Variants in MGRN1 observed in about 807,000 individuals in gnomAD.
MGRN1 encodes E3 ubiquitin-protein ligase MGRN1.
Under a neutral mutation model 69.2 loss-of-function variants are expected in MGRN1, and 29 were observed. The ratio of observed to expected loss-of-function variants is 0.42; its 90% CI spans 0.31 to 0.57. The LOEUF is 0.57. Ranked by LOEUF, MGRN1 falls within the 20% of genes least tolerant of loss-of-function variation. The pLI is 0.15. For synonymous variants in MGRN1, 470 were observed against 344.2 expected, an observed-to-expected ratio of 1.37 and a Z score of -4.04; for missense variants, 998 against 796.2, an observed-to-expected ratio of 1.25 and a Z score of -3.05.
chr16:4,673,722 G>C (rs2078992204), intron 10 of MGRN1, 65 bp downstream of exon 10: 4 of 1,576,038 alleles, frequency 2.5e-6, no homozygotes, highest in Non-Finnish European at 3.4e-6. Context: ...ACACCACGGT[G>C]GTCCTGGGAT....
At chr16:4,669,083 C>T (rs1364209607) in intron 8 of MGRN1, 1 of 152,352 alleles carries the variant, frequency 6.6e-6, no homozygotes, top group East Asian at 1.9e-4. Flanking sequence ...CACACACACT[C>T]TTCAGTAGTC....
At chr16:4,627,559 G>C (rs567017072) in intron 1 of MGRN1, among the ~76,000 whole-genome samples, 2 of 148,874 alleles carry the variant, frequency 1.3e-5, no homozygotes, top group African/African-American at 5.0e-5. Flanking sequence ...AGGCCAAGGC[G>C]GGCGGATCAC....
chr16:4,668,233 C>G, intron 7 of MGRN1, 32 bp from the exon 8 acceptor site: 1 of 1,606,330 alleles, frequency 6.2e-7, no homozygotes, highest in Middle Eastern at 1.7e-4. Flanking sequence ...CCAGCTTGAC[C>G]ACCTTAACCT....
chr16:4,639,296 A>C (rs556212429), intron 1 of MGRN1, among the ~76,000 whole-genome samples: 2 of 152,084 alleles, frequency 1.3e-5, no homozygotes, highest in East Asian at 1.9e-4. Flanking sequence ...AGCGTTGACC[A>C]CGAGCTGGCA....
At chr16:4,662,027 G>A (rs868831036) in intron 5 of MGRN1, among the ~76,000 whole-genome samples, 3 of 152,146 alleles carry the variant, frequency 2.0e-5, no homozygotes, top group Non-Finnish European at 2.9e-5. Flanking sequence ...AGCCTTTGCC[G>A]TGTGTCCATG....
chr16:4,629,932 G>C (rs966152813), intron 1 of MGRN1, among the ~76,000 whole-genome samples: 5 of 151,290 alleles, frequency 3.3e-5, no homozygotes, highest in African/African-American at 1.2e-4. Context: ...CGTAATCCCA[G>C]CTACTCAGGA....
intron 1 of MGRN1, among the ~76,000 whole-genome samples, chr16:4,641,216 A>G (rs1417728510): frequency 6.6e-6 from 1 of 152,228 alleles, no homozygotes; most frequent in East Asian, 1.9e-4. Flanking sequence ...CTTGAGGCAA[A>G]GGAAAGGGCG....
intron 1 of MGRN1, among the ~76,000 whole-genome samples, chr16:4,645,933 G>A: frequency 6.6e-6 from 1 of 152,328 alleles, no homozygotes; most frequent in Non-Finnish European, 1.5e-5. Flanking sequence ...CCAGTGCTGT[G>A]GTTGTAGAAA....
intron 1 of MGRN1, 79 bp from the exon 2 acceptor site, chr16:4,650,286 C>G (rs1178027645): frequency 1.4e-5 from 15 of 1,109,622 alleles, no homozygotes; most frequent in Non-Finnish European, 1.8e-5. Flanking sequence ...CTGGGTGGAG[C>G]GCCACTGCAC....
chr16:4,668,250 C>T lies in MGRN1; in HGVS notation c.679-15C>T, dbSNP rs2078849973. On this transcript the variant is annotated splice_polypyrimidine_tract_variant and intron_variant, in intron 7 of 16. Coordinates refer to ENST00000262370, the MANE Select transcript of MGRN1 (RefSeq NM_015246.4). The stretch of plus-strand genomic sequence containing the variant: ...AGCTTGACCACCTTAACCTCTTTGT[C>T]TTTCTCCCCTGCAGCACATGGACGG... 4 of 1,613,534 alleles carry T rather than the reference C, an allele frequency of 2.5e-6. No homozygotes were observed. Among genetic ancestry groups the T allele is most frequent in the Non-Finnish European group, 3.4e-6 (4 of 1,179,736 alleles).
intron 5 of MGRN1, among the ~76,000 whole-genome samples, chr16:4,661,506 C>T (rs554586290): frequency 2.0e-5 from 3 of 152,354 alleles, no homozygotes; most frequent in Non-Finnish European, 2.9e-5. Flanking sequence ...GCACGGCTTC[C>T]GTTCCATTTT....
At chr16:4,673,402 G>A (rs1011785699) in intron 9 of MGRN1, 96 bp from the exon 10 acceptor site, 4 of 1,487,570 alleles carry the variant, frequency 2.7e-6, no homozygotes, top group Non-Finnish European at 2.7e-6. Context: ...AGCCCCCAGG[G>A]TAGGGTGGAG....
intron 1 of MGRN1, 109 bp from the exon 2 acceptor site, chr16:4,650,256 T>TAGCGCCACTGCACTCCAGCCTGGGTGG (rs954520452): frequency 1.3e-5 from 10 of 780,648 alleles, no homozygotes; most frequent in African/African-American, 1.1e-4. Flanking sequence ...TGAGCTGAGA[T>TAGCGCCACTGCACTCCAGCCTGGGTGG]AGCGCCACTG....
intron 13 of MGRN1, among the ~76,000 whole-genome samples, chr16:4,682,232 C>T (rs528897876): frequency 3.3e-5 from 5 of 152,354 alleles, no homozygotes; most frequent in Admixed American, 6.5e-5. Context: ...TCGCCCGTGA[C>T]GAGCCACGGG....
At position 4,686,354 on chromosome 16, in the gene MGRN1, G is replaced by C. The variant is rs1375658625; in HGVS notation, c.1618+2422G>C. The C allele has an allele frequency of 1.4e-5, 21 of 1,535,528 alleles. No homozygotes were observed. The Middle Eastern group carries it at 6.7e-4, about 49-fold the overall frequency. ...GGGGGCTCTGACGCGCGTCCTTGGA[G>C]AGAGGAGCCCTCCCCTGCTCTCTGG... is the stretch of plus-strand genomic sequence containing the variant. On this transcript the variant is annotated intron_variant, in intron 16 of 16. Transcript: ENST00000262370.
intron 8 of MGRN1, chr16:4,671,183 C>G (rs1013102055): frequency 1.7e-6 from 1 of 587,928 alleles, no homozygotes; most frequent in African/African-American, 1.9e-5. Flanking sequence ...GGAGAGCCAC[C>G]GGCTCCAGCC....
intron 11 of MGRN1, 51 bp downstream of exon 11, chr16:4,677,623 C>G: frequency 6.4e-7 from 1 of 1,553,764 alleles, no homozygotes; most frequent in South Asian, 1.1e-5. Context: ...GCATGAGTGC[C>G]TGGGCCAGGC....
Position 4,624,911 on chromosome 16 carries a change from C to A in MGRN1, c.-50C>A. The A allele has an allele frequency of 6.8e-7, 1 of 1,463,930 alleles. No homozygotes were observed. Among genetic ancestry groups the A allele is most frequent in the Non-Finnish European group, 9.1e-7 (1 of 1,096,746 alleles). 90.7% of individuals were successfully genotyped at this position (1,463,930 alleles called of 1,614,324 possible). A position where few individuals can be genotyped will look rare whatever the true frequency, so the allele number is the denominator to read the frequency against. On this transcript the variant is annotated 5_prime_UTR_variant, in exon 1 of 17. Transcript: ENST00000262370. Reference sequence around the variant, plus strand: ...GTCCGCGTGAGGACCCCGCCGCTGTCGCCGCTCCCGTTCCGGCCCTGGCCC... The same window carrying A: ...GTCCGCGTGAGGACCCCGCCGCTGTAGCCGCTCCCGTTCCGGCCCTGGCCC...
At chr16:4,688,757 A>C in intron 16 of MGRN1, 39 bp from the exon 17 acceptor site, 1 of 1,515,430 alleles carries the variant, frequency 6.6e-7, no homozygotes, top group Non-Finnish European at 8.9e-7. Flanking sequence ...GGCACCAGGC[A>C]TCCGAGTGTG....
Sources: gnomAD v4.1 joint callset for allele counts (sites outside exome capture counted in the v4.1 genomes callset) on GRCh38, gnomAD v4.1.1 for gene constraint, MANE v1.5 for transcripts, NCBI Gene and HGNC (gene_info 2026-07-23, HGNC 2026-07-21) for gene names.